NLGN1: variants seen among roughly 807,000 people sequenced by gnomAD.
The protein encoded by NLGN1 is neuroligin-1.
NLGN1 carries 12 observed loss-of-function variants against 65.5 expected under a neutral mutation model. That is an observed-to-expected ratio of 0.18 (90% CI 0.12 to 0.30). The LOEUF (loss-of-function observed/expected upper bound fraction) is 0.30, where lower values mean the gene tolerates loss of function less well. Among genes scored for constraint, NLGN1 ranks in the 10% least tolerant of loss-of-function variants. The pLI, the probability that NLGN1 is intolerant of heterozygous loss-of-function variation, is 1.00. For synonymous variants in NLGN1, 350 were observed against 359.5 expected, an observed-to-expected ratio of 0.97 and a Z score of 0.30; for missense variants, 750 against 1,007.1, an observed-to-expected ratio of 0.74 and a Z score of 3.46.
At chr3:173,606,892 A>C (rs10936762) in intron 3 of NLGN1, among the ~76,000 whole-genome samples, 92,037 of 151,680 alleles carry the variant, frequency 0.61, 28,941 homozygotes, top group Non-Finnish European at 0.69. Flanking sequence ...AAATAACTGC[A>C]GTAATTTACA....
intron 4 of NLGN1, among the ~76,000 whole-genome samples, chr3:174,238,445 C>T (rs924899124): frequency 2.0e-5 from 3 of 152,058 alleles, no homozygotes; most frequent in East Asian, 3.9e-4. Context: ...TCACTGCAAC[C>T]TCTACCTTCA....
At chr3:173,967,891 T>C (rs1215851462) in intron 4 of NLGN1, among the ~76,000 whole-genome samples, 2 of 152,194 alleles carry the variant, frequency 1.3e-5, no homozygotes, top group East Asian at 1.9e-4. Flanking sequence ...TAGCATGAAG[T>C]CTTCCCAAAC....
intron 2 of NLGN1, among the ~76,000 whole-genome samples, chr3:173,536,794 T>A (rs766227351): frequency 3.9e-5 from 6 of 152,184 alleles, no homozygotes; most frequent in Non-Finnish European, 7.4e-5. Flanking sequence ...TAGGGAGAGA[T>A]AAATTTATTA....
At chr3:173,470,532 T>C (rs754999969) in intron 2 of NLGN1, among the ~76,000 whole-genome samples, 14 of 152,120 alleles carry the variant, frequency 9.2e-5, no homozygotes, top group Non-Finnish European at 1.8e-4. Context: ...AAATCATGGG[T>C]CTGTCACTTG....
chr3:173,551,256 AGAGTT>A (rs1398042037), intron 2 of NLGN1, among the ~76,000 whole-genome samples: 1 of 28,592 alleles, frequency 3.5e-5, no homozygotes, highest in East Asian at 4.7e-3. Context: ...AAGCAAAAAT[AGAGTT>A]GAAATTAAAG....
chr3:173,660,345 C>T (rs1287586596), intron 3 of NLGN1, among the ~76,000 whole-genome samples: 2 of 144,192 alleles, frequency 1.4e-5, no homozygotes, highest in African/African-American at 5.2e-5. Flanking sequence ...CACAATGGAC[C>T]AATCATCTCC....
chr3:173,687,132 C>G (rs909271091), intron 3 of NLGN1, among the ~76,000 whole-genome samples: 1 of 152,130 alleles, frequency 6.6e-6, no homozygotes, highest in Non-Finnish European at 1.5e-5. Context: ...ATGGAATCCA[C>G]GATCAGGTTG....
intron 4 of NLGN1, among the ~76,000 whole-genome samples, chr3:174,197,751 C>CTTGTGTGTGT (rs1553960614): frequency 1.4e-5 from 2 of 141,642 alleles, no homozygotes; most frequent in African/African-American, 2.6e-5. Flanking sequence ...CCCATTATCT[C>CTTGTGTGTGT]GTGTGTGTGT....
At chr3:173,898,009 T>G (rs1736632110) in intron 4 of NLGN1, among the ~76,000 whole-genome samples, 1 of 152,146 alleles carries the variant, frequency 6.6e-6, no homozygotes, top group Admixed American at 6.5e-5. Context: ...TAGATTATAC[T>G]TGAATTATCA....
chr3:174,231,769 C>G (rs1370850296), intron 4 of NLGN1, among the ~76,000 whole-genome samples: 1 of 152,176 alleles, frequency 6.6e-6, no homozygotes, highest in African/African-American at 2.4e-5. Flanking sequence ...TCACGCCAGC[C>G]TAGCTGGTGT....
chr3:174,112,556 CT>C, intron 4 of NLGN1, among the ~76,000 whole-genome samples: 1 of 151,890 alleles, frequency 6.6e-6, no homozygotes. Context: ...ATTCTGCTCA[CT>C]GTTCAATAGA....
At chr3:173,742,909 G>A (rs954825838) in intron 3 of NLGN1, among the ~76,000 whole-genome samples, 12 of 151,994 alleles carry the variant, frequency 7.9e-5, no homozygotes, top group African/African-American at 2.9e-4. Context: ...CAGATTTGAG[G>A]GGGTTGTTTG....
Position 173,616,525 on chromosome 3 carries a change from A to C in NLGN1, c.493+11434A>C, listed in dbSNP as rs570873485. The stretch of plus-strand genomic sequence containing the variant: ...TGTTCTGAATAACAGGCCGCTGAAG[A>C]TGTAGGCTTCAAATAAGTGAGGTAT... On this transcript the variant is annotated intron_variant, in intron 3 of 6. Coordinates refer to ENST00000457714, the Ensembl canonical transcript of NLGN1. Among the ~76,000 whole-genome samples, 12 of 152,312 alleles carry C rather than the reference A, an allele frequency of 7.9e-5. No individual in the cohort carries two copies. The East Asian group carries it at 2.3e-3, about 29-fold the overall frequency.
chr3:173,518,109 A>G (rs1734147998), intron 2 of NLGN1, among the ~76,000 whole-genome samples: 1 of 152,182 alleles, frequency 6.6e-6, no homozygotes, highest in Non-Finnish European at 1.5e-5. Context: ...TCACGTTCCT[A>G]CCAGCTAGAT....
At chr3:174,107,935 A>G (rs1397240289) in intron 4 of NLGN1, among the ~76,000 whole-genome samples, 7 of 152,174 alleles carry the variant, frequency 4.6e-5, no homozygotes, top group Non-Finnish European at 8.8e-5. Flanking sequence ...ATCCTATTCA[A>G]TGGAAATGGC....
At chr3:173,547,001 C>T (rs1391231558) in intron 2 of NLGN1, among the ~76,000 whole-genome samples, 1 of 152,098 alleles carries the variant, frequency 6.6e-6, no homozygotes. Context: ...CCCTTGCTTA[C>T]TCCCTGGAGG....
intron 4 of NLGN1, among the ~76,000 whole-genome samples, chr3:173,989,746 C>T (rs1402359660): frequency 6.6e-6 from 1 of 152,160 alleles, no homozygotes; most frequent in Non-Finnish European, 1.5e-5. Context: ...ACCTTCTCCT[C>T]CCACCCTTCC....
intron 3 of NLGN1, among the ~76,000 whole-genome samples, chr3:173,724,250 A>G (rs941481011): frequency 4.6e-5 from 7 of 152,202 alleles, no homozygotes; most frequent in Non-Finnish European, 8.8e-5. Flanking sequence ...GACATCACCT[A>G]CAATTGTGTT....
At chr3:173,426,389 T>C (rs1716110163) in intron 1 of NLGN1, among the ~76,000 whole-genome samples, 1 of 152,088 alleles carries the variant, frequency 6.6e-6, no homozygotes, top group South Asian at 2.1e-4. Flanking sequence ...GTGATGAAAC[T>C]AGGTATCTTT....
Sources: gnomAD v4.1 joint callset for allele counts (sites outside exome capture counted in the v4.1 genomes callset) on GRCh38, gnomAD v4.1.1 for gene constraint, MANE v1.5 for transcripts, NCBI Gene and HGNC (gene_info 2026-07-23, HGNC 2026-07-21) for gene names.